Variants in INPP4B observed in about 807,000 individuals in gnomAD.
The protein encoded by INPP4B is inositol polyphosphate-4-phosphatase type II B, also known as inositol polyphosphate 4-phosphatase type II.
INPP4B carries 55 observed loss-of-function variants against 122.5 expected under a neutral mutation model. That is an observed-to-expected ratio of 0.45 (90% confidence interval 0.36 to 0.56). The LOEUF is 0.56. Among genes scored for constraint, INPP4B ranks in the 20% least tolerant of loss-of-function variants. INPP4B has a pLI of 0.00. For synonymous variants in INPP4B, 403 were observed against 388.7 expected (o/e 1.04, Z -0.43); for missense variants, 1,000 against 1,097.7 (o/e 0.91, Z 1.26).
intron 7 of INPP4B, among the ~76,000 whole-genome samples, chr4:142,332,911 T>C (rs1191970087): frequency 6.9e-6 from 1 of 144,744 alleles, no homozygotes; most frequent in Admixed American, 7.1e-5. Flanking sequence ...CGTGGGAGGC[T>C]GAGGCAGGAG....
intron 9 of INPP4B, among the ~76,000 whole-genome samples, chr4:142,301,008 A>G (rs1168098283): frequency 2.0e-5 from 3 of 152,204 alleles, no homozygotes; most frequent in Non-Finnish European, 2.9e-5. Flanking sequence ...GTCCTCGTTA[A>G]GATGAGCTGA....
chr4:142,144,094 T>C (rs1257148887), intron 18 of INPP4B, among the ~76,000 whole-genome samples: 1 of 151,998 alleles, frequency 6.6e-6, no homozygotes, highest in Non-Finnish European at 1.5e-5. Context: ...TTAGACTATA[T>C]GTACACAATG....
chr4:142,268,698 A>G lies in INPP4B; in HGVS notation c.615+1965T>C, dbSNP rs1419320734. On this transcript the variant is annotated intron_variant, in intron 10 of 25. Transcript: ENST00000262992. ...TGAAAAGGGGGAAAGTTCTGTCATT[A>G]GTGACAACATGGATAAACCTGGATG... Among the ~76,000 whole-genome samples, 3 of 152,204 alleles carry G rather than the reference A, an allele frequency of 2.0e-5. No homozygotes were observed. In the East Asian group the frequency reaches 5.8e-4, roughly 29 times the overall value.
intron 9 of INPP4B, among the ~76,000 whole-genome samples, chr4:142,300,274 A>G (rs890968153): frequency 1.3e-5 from 2 of 152,106 alleles, no homozygotes; most frequent in African/African-American, 4.8e-5. Context: ...TATCACTCTG[A>G]CTATGCTTGT....
chr4:142,386,624 G>A lies in INPP4B; in HGVS notation c.372+16314C>T, dbSNP rs977478729. Among the ~76,000 whole-genome samples, 7 of 152,132 alleles carry A rather than the reference G, an allele frequency of 4.6e-5. No individual in the cohort carries two copies. In the South Asian group the frequency reaches 6.2e-4, roughly 14 times the overall value. On this transcript the variant is annotated intron_variant, in intron 7 of 25. Transcript: ENST00000262992. ...ACCACGTTCAAATAAGGCAAATGCC[G>A]AGCTGTAACTAATACAGCTGTTTCC...
At position 142,834,472 on chromosome 4, in the gene INPP4B, A is replaced by G. The variant is rs1251792254; in HGVS notation, c.-254+11737T>C. On this transcript the variant is annotated intron_variant, in intron 1 of 25. Coordinates refer to ENST00000262992, the MANE Select transcript of INPP4B (RefSeq NM_001101669.3). ...GGGTACCTCCTGGTGCTGGCACTGA[A>G]ACTCCTCAGTCTCAACCAAATCAAG... Among the ~76,000 whole-genome samples, 3 of 152,116 alleles carry G rather than the reference A, an allele frequency of 2.0e-5. No homozygotes were observed. The East Asian group carries it at 5.8e-4, about 29-fold the overall frequency.
At chr4:142,487,514 T>C (rs977786250) in intron 2 of INPP4B, among the ~76,000 whole-genome samples, 8 of 152,160 alleles carry the variant, frequency 5.3e-5, no homozygotes, top group African/African-American at 1.4e-4. Flanking sequence ...AGTATTTTGA[T>C]TGAAATTACA....
intron 2 of INPP4B, among the ~76,000 whole-genome samples, chr4:142,563,848 A>T (rs147795449): frequency 7.7e-4 from 118 of 152,332 alleles, no homozygotes; most frequent in African/African-American, 2.7e-3. Flanking sequence ...GTCATGGCAC[A>T]GCTATGGCTA....
At chr4:142,483,412 C>G (rs1820821942) in intron 2 of INPP4B, among the ~76,000 whole-genome samples, 1 of 151,854 alleles carries the variant, frequency 6.6e-6, no homozygotes, top group Admixed American at 6.6e-5. Context: ...CATGATAGCT[C>G]CCCCGAACTC....
chr4:142,738,376 G>A (rs139052481), intron 1 of INPP4B, among the ~76,000 whole-genome samples: 3,088 of 152,076 alleles, frequency 0.02, 99 homozygotes, highest in African/African-American at 0.068. Context: ...ACCAAACACC[G>A]CATGTTGTCA....
intron 2 of INPP4B, among the ~76,000 whole-genome samples, chr4:142,666,121 A>G (rs936053335): frequency 4.6e-5 from 7 of 152,338 alleles, no homozygotes; most frequent in Middle Eastern, 3.4e-3. Context: ...ACTACTACAT[A>G]TACTTGTATG....
chr4:142,301,109 T>C (rs1761224887), intron 9 of INPP4B, among the ~76,000 whole-genome samples: 1 of 152,180 alleles, frequency 6.6e-6, no homozygotes, highest in Non-Finnish European at 1.5e-5. Context: ...ACTTTCACCA[T>C]TACTCTGAAA....
chr4:142,116,938 G>T (rs563643691), intron 21 of INPP4B, among the ~76,000 whole-genome samples: 4 of 152,030 alleles, frequency 2.6e-5, no homozygotes, highest in Admixed American at 6.6e-5. Context: ...GAAGAAAAGA[G>T]AAAATAAACA....
intron 7 of INPP4B, among the ~76,000 whole-genome samples, chr4:142,379,149 A>G (rs1056036479): frequency 6.6e-6 from 1 of 152,186 alleles, no homozygotes; most frequent in Non-Finnish European, 1.5e-5. Flanking sequence ...TAAAATTTAA[A>G]TATCACTATA....
At chr4:142,582,580 T>C (rs1306642865) in intron 2 of INPP4B, among the ~76,000 whole-genome samples, 2 of 152,138 alleles carry the variant, frequency 1.3e-5, no homozygotes, top group Non-Finnish European at 2.9e-5. Context: ...TGGTGCTAGC[T>C]ATGAATAGCA....
At chr4:142,829,700 A>T (rs576043822) in intron 1 of INPP4B, among the ~76,000 whole-genome samples, 26 of 152,336 alleles carry the variant, frequency 1.7e-4, no homozygotes, top group Admixed American at 2.0e-4. Context: ...AAAACTGTCA[A>T]GTTGAAATTG....
intron 12 of INPP4B, among the ~76,000 whole-genome samples, chr4:142,222,868 C>T (rs897233703): frequency 3.3e-5 from 5 of 152,144 alleles, no homozygotes; most frequent in East Asian, 1.9e-4. Flanking sequence ...GTATCTGAGA[C>T]AGAACCAACT....
intron 11 of INPP4B, among the ~76,000 whole-genome samples, chr4:142,258,045 G>A (rs1027795070): frequency 4.6e-5 from 7 of 151,770 alleles, no homozygotes; most frequent in Admixed American, 1.3e-4. Context: ...CAGAAATAAC[G>A]CCGCAAATCT....
chr4:142,671,183 T>C (rs569842926), intron 2 of INPP4B, among the ~76,000 whole-genome samples: 1 of 152,238 alleles, frequency 6.6e-6, no homozygotes. Context: ...CAGAGGATCA[T>C]TATAACCACC....
Sources: allele counts gnomAD v4.1 joint callset (sites outside exome capture counted in the v4.1 genomes callset), GRCh38; gene constraint gnomAD v4.1.1; transcripts MANE v1.5; gene names NCBI Gene and HGNC (gene_info 2026-07-23, HGNC 2026-07-21).